The following ACTR3C variants were observed in gnomAD, a reference collection of about 807,000 sequenced individuals.
ACTR3C encodes actin related protein 3C.
Under a neutral mutation model 26.3 loss-of-function variants are expected in ACTR3C, and 18 were observed. That is an observed-to-expected ratio of 0.68 (90% confidence interval 0.47 to 1.01). ACTR3C has a LOEUF of 1.01. ACTR3C is among the 50% of genes least tolerant of loss of function. The pLI is 0.00. For synonymous variants in ACTR3C, 55 were observed against 94.5 expected (o/e 0.58, Z 2.42); for missense variants, 184 against 250.7 (o/e 0.73, Z 1.80).
At chr7:149,892,264 G>A in the ACTR3C span, 61 of 1,489,322 alleles carry the variant, frequency 4.1e-5, no homozygotes, top group South Asian at 1.4e-4. Flanking sequence ...GACACCTGTC[G>A]GAAATTTACC....
chr7:149,907,478 T>TCTCTTCTCTCTCTCTCTC, the ACTR3C span, among the ~76,000 whole-genome samples: 22 of 97,686 alleles, frequency 2.3e-4, no homozygotes, highest in East Asian at 8.4e-3. Context: ...CTCTCTTCTC[T>TCTCTTCTCTCTCTCTCTC]TCTCTCTCTC....
chr7:150,239,758 T>C (rs559035417), downstream of ACTR3C, among the ~76,000 whole-genome samples: 240 of 150,522 alleles, frequency 1.6e-3, no homozygotes, highest in Middle Eastern at 6.8e-3. Context: ...GCTGGTTTAC[T>C]TTCTGTTTTT....
chr7:150,148,132 T>G, the ACTR3C span, among the ~76,000 whole-genome samples: 1 of 134,938 alleles, frequency 7.4e-6, no homozygotes, highest in African/African-American at 2.8e-5. Context: ...AACCTGCACA[T>G]GCACCTCTGA....
the ACTR3C span, among the ~76,000 whole-genome samples, chr7:150,237,093 A>T: frequency 1.2e-4 from 18 of 151,930 alleles, no homozygotes; most frequent in African/African-American, 4.4e-4. Context: ...AAACATCTAC[A>T]CATAACTAAT....
At chr7:150,133,305 C>A in the ACTR3C span, among the ~76,000 whole-genome samples, 5 of 152,110 alleles carry the variant, frequency 3.3e-5, no homozygotes, top group Admixed American at 6.5e-5. Context: ...GACAAGGGAC[C>A]AACTCTCCCT....
At chr7:150,104,025 C>T in the ACTR3C span, among the ~76,000 whole-genome samples, 9 of 151,868 alleles carry the variant, frequency 5.9e-5, no homozygotes, top group Admixed American at 3.9e-4. Flanking sequence ...TTCAAGAGGG[C>T]TGCAAAGGTA....
chr7:150,034,697 T>G, the ACTR3C span, among the ~76,000 whole-genome samples: 249 of 151,758 alleles, frequency 1.6e-3, 9 homozygotes, highest in Admixed American at 3.0e-3. Context: ...ATTTGAACTT[T>G]CTACTTGGAC....
chr7:150,232,263 C>T, the ACTR3C span, among the ~76,000 whole-genome samples: 2 of 152,130 alleles, frequency 1.3e-5, no homozygotes, highest in Non-Finnish European at 2.9e-5. Context: ...CTCTATATTT[C>T]CAATGAGTTT....
the ACTR3C span, among the ~76,000 whole-genome samples, chr7:150,145,077 C>A: frequency 1.3e-5 from 2 of 152,044 alleles, no homozygotes; most frequent in East Asian, 1.9e-4. Flanking sequence ...GATTCCCCCC[C>A]TTTCCTATTT....
the ACTR3C span, among the ~76,000 whole-genome samples, chr7:150,027,743 A>G: frequency 6.6e-6 from 1 of 152,050 alleles, no homozygotes; most frequent in South Asian, 2.1e-4. Flanking sequence ...AAGATAAATA[A>G]CCAATGGTCC....
At chr7:150,104,266 A>T in the ACTR3C span, among the ~76,000 whole-genome samples, 1 of 151,660 alleles carries the variant, frequency 6.6e-6, no homozygotes, top group Non-Finnish European at 1.5e-5. Context: ...AGAAACTATG[A>T]GATTGAACCT....
chr7:150,320,431 C>T (rs866977707), intron 1 of ACTR3C, among the ~76,000 whole-genome samples: 2 of 152,164 alleles, frequency 1.3e-5, no homozygotes, highest in Non-Finnish European at 2.9e-5. Context: ...TATGAGTGGA[C>T]TATTATCTTT....
chr7:149,910,910 G>A, the ACTR3C span, among the ~76,000 whole-genome samples: 2 of 151,726 alleles, frequency 1.3e-5, no homozygotes, highest in South Asian at 4.2e-4. Flanking sequence ...AGGACCTGAG[G>A]TCTTCGTGCC....
chr7:150,148,308 C>T, the ACTR3C span, among the ~76,000 whole-genome samples: 10 of 152,016 alleles, frequency 6.6e-5, no homozygotes, highest in South Asian at 4.1e-4. Context: ...GAAACCCTGT[C>T]TCTACTAAAA....
chr7:150,306,858 A>G (rs981810868), intron 1 of ACTR3C, among the ~76,000 whole-genome samples: 3 of 152,240 alleles, frequency 2.0e-5, no homozygotes, highest in Non-Finnish European at 4.4e-5. Flanking sequence ...TCATAGGGAG[A>G]TGGATAACGA....
chr7:150,106,819 C>A, the ACTR3C span, among the ~76,000 whole-genome samples: 1 of 145,344 alleles, frequency 6.9e-6, no homozygotes, highest in Non-Finnish European at 1.5e-5. Context: ...CATACAGGTG[C>A]TTCCCTGGCT....
intron 6 of ACTR3C, among the ~76,000 whole-genome samples, chr7:150,260,096 G>GTA (rs1156437791): frequency 2.0e-5 from 3 of 152,296 alleles, no homozygotes; most frequent in African/African-American, 7.2e-5. Flanking sequence ...CACCCATTGT[G>GTA]TATATATTGC....
At chr7:149,891,778 C>T in the ACTR3C span, among the ~76,000 whole-genome samples, 4 of 92,612 alleles carry the variant, frequency 4.3e-5, no homozygotes, top group Admixed American at 1.4e-4. Flanking sequence ...TGAGCCAAGA[C>T]GGCATCACAG....
the ACTR3C span, among the ~76,000 whole-genome samples, chr7:149,976,232 T>C: frequency 1.3e-5 from 2 of 152,190 alleles, no homozygotes; most frequent in African/African-American, 2.4e-5. Flanking sequence ...TAATCAACTC[T>C]TTAATTTTTG....
Sources: gnomAD v4.1 joint callset for allele counts (sites outside exome capture counted in the v4.1 genomes callset) on GRCh38, gnomAD v4.1.1 for gene constraint, MANE v1.5 for transcripts, NCBI Gene and HGNC (gene_info 2026-07-23, HGNC 2026-07-21) for gene names.